The following TBC1D22A variants were observed in gnomAD, a reference collection of about 807,000 sequenced individuals.
The protein encoded by TBC1D22A is putative GTPase activator.
In TBC1D22A, 38 loss-of-function variants were observed where a neutral mutation model predicts 60.2. The ratio of observed to expected loss-of-function variants is 0.63; its 90% confidence interval spans 0.49 to 0.83. TBC1D22A has a LOEUF of 0.83. TBC1D22A is among the 40% of genes least tolerant of loss of function. The probability of loss-of-function intolerance (pLI) is 0.00; values close to 1 mark genes in which losing one functional copy is unlikely to be tolerated. For missense variants in TBC1D22A, 628 were observed against 701.0 expected (o/e 0.90, Z 1.18); for synonymous variants, 302 against 281.7 (o/e 1.07, Z -0.72).
At chr22:46,779,740 G>C (rs143496842) in intron 1 of TBC1D22A, among the ~76,000 whole-genome samples, 3,476 of 152,344 alleles carry the variant, frequency 0.023, 45 homozygotes, top group Admixed American at 0.048. Context: ...AGTGCTCCGA[G>C]GGCTGTGAGG....
chr22:46,964,885 G>C (rs775657159), intron 8 of TBC1D22A, among the ~76,000 whole-genome samples: 1 of 152,248 alleles, frequency 6.6e-6, no homozygotes, highest in Non-Finnish European at 1.5e-5. Flanking sequence ...TTAGAATTGC[G>C]ACAGGGGCCA....
Position 46,974,446 on chromosome 22 carries a change from C to A in TBC1D22A, c.1125+47C>A, listed in dbSNP as rs1190170849. On this transcript the variant is annotated intron_variant, in intron 9 of 12. Coordinates refer to ENST00000337137, the MANE Select transcript of TBC1D22A (RefSeq NM_014346.5). ...ACACAGCCCACGCCCACAGCCCCTGCGGTGAAGAGAGCCTGAGGCCTTAGG... is the reference window on the plus strand; with the variant it reads ...ACACAGCCCACGCCCACAGCCCCTGAGGTGAAGAGAGCCTGAGGCCTTAGG... 2.0e-6 allele frequency: 3 copies of A among 1,510,830 alleles called. No homozygotes were observed. The South Asian group carries it at 3.6e-5, about 18-fold the overall frequency. 93.6% of individuals were successfully genotyped at this position (1,510,830 alleles called of 1,614,324 possible).
intron 7 of TBC1D22A, among the ~76,000 whole-genome samples, chr22:46,898,499 A>G (rs898067355): frequency 6.7e-6 from 1 of 148,774 alleles, no homozygotes; most frequent in South Asian, 2.2e-4. Context: ...ACAGAGAAAA[A>G]CATTCATGCC....
intron 12 of TBC1D22A, among the ~76,000 whole-genome samples, chr22:47,136,110 T>C (rs1331917107): frequency 6.6e-6 from 1 of 152,180 alleles, no homozygotes; most frequent in Non-Finnish European, 1.5e-5. Context: ...TGAGGCACGA[T>C]GGTGTGGAAG....
At chr22:46,876,768 C>A (rs1275551687) in intron 4 of TBC1D22A, among the ~76,000 whole-genome samples, 2 of 152,206 alleles carry the variant, frequency 1.3e-5, no homozygotes, top group African/African-American at 4.8e-5. Flanking sequence ...ACTAGGCCCA[C>A]CTGTGGGTTC....
intron 4 of TBC1D22A, among the ~76,000 whole-genome samples, chr22:46,826,056 G>C (rs991248765): frequency 5.3e-5 from 8 of 151,904 alleles, no homozygotes; most frequent in African/African-American, 1.5e-4. Context: ...CTAATTTTTT[G>C]TATTTTTAGT....
chr22:47,076,359 GTGTATA>G (rs1452432513), intron 11 of TBC1D22A, among the ~76,000 whole-genome samples: 76 of 85,170 alleles, frequency 8.9e-4, no homozygotes, highest in African/African-American at 3.0e-3. Flanking sequence ...ATATATGTGT[GTGTATA>G]TATATATATA....
intron 11 of TBC1D22A, among the ~76,000 whole-genome samples, chr22:47,062,028 C>T (rs1050717882): frequency 1.4e-5 from 2 of 146,610 alleles, no homozygotes; most frequent in Non-Finnish European, 3.0e-5. Context: ...GCAGAGGTTG[C>T]AGTGAGCCCA....
At chr22:47,165,503 C>G (rs1028533952) in intron 12 of TBC1D22A, among the ~76,000 whole-genome samples, 1 of 152,002 alleles carries the variant, frequency 6.6e-6, no homozygotes, top group African/African-American at 2.4e-5. Flanking sequence ...AGAGCCAGGT[C>G]TAGCCTGCTG....
rs1056163865 is a variant in TBC1D22A, at chr22:46,875,729, G to A, written c.638-2924G>A. The stretch of plus-strand genomic sequence containing the variant: ...GCCTCCCAAAGTGCTGGGATTACAG[G>A]TGTGAGCCACTGCACCTGGCCTAGC... On this transcript the variant is annotated intron_variant, in intron 4 of 12. Coordinates refer to ENST00000337137, the MANE Select transcript of TBC1D22A (RefSeq NM_014346.5). 3.9e-5 allele frequency among the ~76,000 whole-genome samples: 6 copies of A among 152,186 alleles called. No homozygotes were observed. The East Asian group carries it at 9.6e-4, about 24-fold the overall frequency.
At chr22:47,047,780 G>A (rs939466636) in intron 11 of TBC1D22A, among the ~76,000 whole-genome samples, 1 of 152,240 alleles carries the variant, frequency 6.6e-6, no homozygotes, top group Non-Finnish European at 1.5e-5. Flanking sequence ...CCTGTCGGGT[G>A]CCCTGGCAAG....
intron 4 of TBC1D22A, among the ~76,000 whole-genome samples, chr22:46,799,484 C>T (rs1395113972): frequency 2.0e-5 from 3 of 152,210 alleles, no homozygotes; most frequent in South Asian, 2.1e-4. Context: ...GGAAATTTAA[C>T]GTTGACACAG....
chr22:46,949,906 G>A (rs975152612), intron 8 of TBC1D22A, among the ~76,000 whole-genome samples: 1 of 152,236 alleles, frequency 6.6e-6, no homozygotes, highest in African/African-American at 2.4e-5. Flanking sequence ...GGCTGCTGGG[G>A]CTGGAGCAGC....
At chr22:46,959,369 G>A (rs907533448) in intron 8 of TBC1D22A, among the ~76,000 whole-genome samples, 8 of 152,188 alleles carry the variant, frequency 5.3e-5, no homozygotes, top group African/African-American at 1.4e-4. Context: ...ACACCGACCC[G>A]CAGGTTGGTT....
intron 4 of TBC1D22A, among the ~76,000 whole-genome samples, chr22:46,803,555 T>C (rs1464159033): frequency 1.3e-5 from 2 of 152,218 alleles, no homozygotes; most frequent in Non-Finnish European, 2.9e-5. Flanking sequence ...GTGCTGTCTT[T>C]GCAGCCTGGG....
chr22:47,044,648 G>A (rs1222398176), intron 11 of TBC1D22A, among the ~76,000 whole-genome samples: 1 of 152,226 alleles, frequency 6.6e-6, no homozygotes, highest in Non-Finnish European at 1.5e-5. Flanking sequence ...CCCGCCCACA[G>A]GAAGTAGGCA....
At chr22:46,943,867 G>A (rs2072338307) in intron 8 of TBC1D22A, among the ~76,000 whole-genome samples, 1 of 152,142 alleles carries the variant, frequency 6.6e-6, no homozygotes, top group African/African-American at 2.4e-5. Flanking sequence ...AGGTTCGCCG[G>A]TATTGTAGCA....
At chr22:47,167,272 G>A (rs887949158) in intron 12 of TBC1D22A, among the ~76,000 whole-genome samples, 4 of 152,212 alleles carry the variant, frequency 2.6e-5, no homozygotes, top group African/African-American at 4.8e-5. Flanking sequence ...CTGGCTCATC[G>A]TGGGCACCAG....
chr22:46,805,757 A>C (rs571720348), intron 4 of TBC1D22A, among the ~76,000 whole-genome samples: 9 of 152,144 alleles, frequency 5.9e-5, no homozygotes, highest in Non-Finnish European at 1.2e-4. Flanking sequence ...TTTGCCATTC[A>C]CAGAGATTGA....
Sources: allele counts gnomAD v4.1 joint callset (sites outside exome capture counted in the v4.1 genomes callset), GRCh38; gene constraint gnomAD v4.1.1; transcripts MANE v1.5; gene names NCBI Gene and HGNC (gene_info 2026-07-23, HGNC 2026-07-21).